MSI2: variants seen among roughly 807,000 people sequenced by gnomAD.
MSI2 encodes RNA-binding protein Musashi homolog 2.
In MSI2, 17 loss-of-function variants were observed where a neutral mutation model predicts 45.6. The ratio of observed to expected loss-of-function variants is 0.37; its 90% CI spans 0.26 to 0.56. The LOEUF is 0.56. Among genes scored for constraint, MSI2 ranks in the 20% least tolerant of loss-of-function variants. MSI2 has a pLI of 0.77. For synonymous variants in MSI2, 156 were observed against 158.2 expected, an observed-to-expected ratio of 0.99 and a Z score of 0.11; for missense variants, 293 against 444.2, an observed-to-expected ratio of 0.66 and a Z score of 3.06.
intron 6 of MSI2, among the ~76,000 whole-genome samples, chr17:57,426,374 A>G (rs2084492417): frequency 6.6e-6 from 1 of 152,220 alleles, no homozygotes; most frequent in South Asian, 2.1e-4. Flanking sequence ...CTCTTTTAAG[A>G]TAACGTTCAG....
At chr17:57,697,272 C>G in the MSI2 span, among the ~76,000 whole-genome samples, 1 of 151,882 alleles carries the variant, frequency 6.6e-6, no homozygotes, top group South Asian at 2.1e-4. Flanking sequence ...CTCTGAGACT[C>G]ACACCCCTCA....
chr17:57,633,976 C>T (rs1598477550), intron 10 of MSI2, among the ~76,000 whole-genome samples: 1 of 152,300 alleles, frequency 6.6e-6, no homozygotes, highest in South Asian at 2.1e-4. Flanking sequence ...TCCTCCCCAC[C>T]GTCAGGCCCC....
At chr17:57,443,333 G>A (rs1013725168) in intron 6 of MSI2, among the ~76,000 whole-genome samples, 16 of 152,172 alleles carry the variant, frequency 1.1e-4, no homozygotes, top group Admixed American at 4.6e-4. Context: ...CGTTTGTGCC[G>A]CGTGTTTGTG....
At chr17:57,651,440 C>A (rs1911142070) in intron 10 of MSI2, among the ~76,000 whole-genome samples, 1 of 152,120 alleles carries the variant, frequency 6.6e-6, no homozygotes, top group Admixed American at 6.5e-5. Flanking sequence ...TAGACCCCTG[C>A]AGCCCCGCAC....
intron 6 of MSI2, among the ~76,000 whole-genome samples, chr17:57,517,257 C>T (rs1180092949): frequency 6.6e-6 from 1 of 152,170 alleles, no homozygotes; most frequent in African/African-American, 2.4e-5. Context: ...GATTGGCTGC[C>T]AGGCAGCCCA....
chr17:57,256,889 T>C (rs2143124066), intron 1 of MSI2, 85 bp downstream of exon 1: 1 of 1,040,696 alleles, frequency 9.6e-7, no homozygotes, highest in Non-Finnish European at 1.3e-6. Flanking sequence ...GAGCCGGGCA[T>C]CTCCCGCGCC....
intron 7 of MSI2, among the ~76,000 whole-genome samples, chr17:57,576,695 A>G (rs911016021): frequency 2.6e-5 from 4 of 151,012 alleles, no homozygotes; most frequent in Non-Finnish European, 5.9e-5. Context: ...TGGAGGTTAC[A>G]GTGAGCTGAG....
intron 5 of MSI2, among the ~76,000 whole-genome samples, chr17:57,320,507 G>A (rs1482597402): frequency 1.3e-5 from 2 of 152,196 alleles, no homozygotes; most frequent in East Asian, 1.9e-4. Context: ...GAGAAGCCAC[G>A]AAGAGGAGGC....
At chr17:57,694,104 A>G in the MSI2 span, among the ~76,000 whole-genome samples, 1 of 152,220 alleles carries the variant, frequency 6.6e-6, no homozygotes, top group Non-Finnish European at 1.5e-5. Context: ...AGCAGAGTTG[A>G]ATAGTTGCAA....
intron 5 of MSI2, among the ~76,000 whole-genome samples, chr17:57,333,667 C>T (rs1346764310): frequency 6.6e-6 from 1 of 152,028 alleles, no homozygotes; most frequent in Non-Finnish European, 1.5e-5. Flanking sequence ...GTCTCGAACT[C>T]CTGACCTCAG....
intron 6 of MSI2, among the ~76,000 whole-genome samples, chr17:57,496,635 C>G (rs891336217): frequency 6.6e-6 from 1 of 152,222 alleles, no homozygotes; most frequent in African/African-American, 2.4e-5. Flanking sequence ...GAGGACAGAG[C>G]ACGCAGGAGG....
chr17:57,578,040 C>T (rs960535158), intron 7 of MSI2, among the ~76,000 whole-genome samples: 1 of 152,172 alleles, frequency 6.6e-6, no homozygotes, highest in African/African-American at 2.4e-5. Context: ...TCCCATTATC[C>T]GGGAGAATGA....
At chr17:57,562,096 A>G (rs1471888127) in intron 7 of MSI2, among the ~76,000 whole-genome samples, 2 of 152,268 alleles carry the variant, frequency 1.3e-5, no homozygotes, top group Non-Finnish European at 2.9e-5. Context: ...CCTGATATAT[A>G]GAAGTGTCCA....
intron 7 of MSI2, among the ~76,000 whole-genome samples, chr17:57,563,962 G>A (rs953819477): frequency 4.6e-5 from 7 of 152,200 alleles, no homozygotes; most frequent in African/African-American, 1.7e-4. Flanking sequence ...ACCTGAGCCA[G>A]AATGGGCCTG....
intron 11 of MSI2, among the ~76,000 whole-genome samples, chr17:57,658,342 C>T (rs1252331305): frequency 6.6e-6 from 1 of 152,232 alleles, no homozygotes; most frequent in African/African-American, 2.4e-5. Context: ...CTTACCTGAA[C>T]ACACATCTCT....
At chr17:57,539,071 A>G (rs1230610345) in intron 7 of MSI2, among the ~76,000 whole-genome samples, 1 of 152,254 alleles carries the variant, frequency 6.6e-6, no homozygotes, top group Non-Finnish European at 1.5e-5. Context: ...CATACATTAA[A>G]AACATACATA....
intron 5 of MSI2, among the ~76,000 whole-genome samples, chr17:57,342,481 C>T (rs546339741): frequency 1.2e-4 from 19 of 152,114 alleles, no homozygotes; most frequent in African/African-American, 2.2e-4. Flanking sequence ...TGTGTTTTAG[C>T]GAAGACATGA....
intron 10 of MSI2, among the ~76,000 whole-genome samples, chr17:57,646,601 C>T (rs1021883213): frequency 2.6e-5 from 4 of 152,188 alleles, no homozygotes; most frequent in Non-Finnish European, 4.4e-5. Flanking sequence ...AGTGAAGTGT[C>T]GTGTCCAATT....
intron 7 of MSI2, among the ~76,000 whole-genome samples, chr17:57,590,073 C>T (rs947908660): frequency 1.3e-5 from 2 of 152,242 alleles, no homozygotes; most frequent in Middle Eastern, 3.2e-3. Flanking sequence ...CTTAAGTACA[C>T]ATACCTTAAA....
Sources: gnomAD v4.1 joint callset for allele counts (sites outside exome capture counted in the v4.1 genomes callset) on GRCh38, gnomAD v4.1.1 for gene constraint, MANE v1.5 for transcripts, NCBI Gene and HGNC (gene_info 2026-07-23, HGNC 2026-07-21) for gene names.